Variants in IGF2R observed in about 807,000 individuals in gnomAD.
IGF2R encodes insulin like growth factor 2 receptor.
In IGF2R, 91 loss-of-function variants were observed where a neutral mutation model predicts 270.6. The observed-to-expected ratio is 0.34, with a 90% CI of 0.28 to 0.40. IGF2R has a LOEUF of 0.40. Among genes scored for constraint, IGF2R ranks in the 10% least tolerant of loss-of-function variants. The probability of loss-of-function intolerance (pLI) is 1.00; values close to 1 mark genes in which losing one functional copy is unlikely to be tolerated. For synonymous variants in IGF2R, 1,316 were observed against 1,258.9 expected (o/e 1.05, Z -0.96); for missense variants, 2,805 against 3,188.3 (o/e 0.88, Z 2.90).
rs201511781 is a variant in IGF2R at position 160,073,749 on chromosome 6, C to T, written c.4948-8C>T. On this transcript the variant is annotated splice_polypyrimidine_tract_variant and splice_region_variant and intron_variant, in intron 34 of 47. Coordinates refer to ENST00000356956, the MANE Select transcript of IGF2R (RefSeq NM_000876.4). Reference sequence around the variant, plus strand: ...TGTAGACTCAAAGCAGTCTTTCCTACTTAACAGACCGAATGTTCCGTGAGG... The same window carrying T: ...TGTAGACTCAAAGCAGTCTTTCCTATTTAACAGACCGAATGTTCCGTGAGG... The T allele has an allele frequency of 4.0e-4, 650 of 1,611,988 alleles. 3 individuals carry two copies. The highest frequency in any genetic ancestry group is 1.2e-4 in the South Asian group (11 of 91,006).
intron 44 of IGF2R, 145 bp from the exon 45 acceptor site, chr6:160,096,294 G>A: frequency 1.5e-6 from 1 of 686,030 alleles, no homozygotes; most frequent in Admixed American, 2.5e-5. Flanking sequence ...CGTAAGCTGT[G>A]AACAGAGTGC....
chr6:160,075,367 T>A (rs1267155442), intron 35 of IGF2R, among the ~76,000 whole-genome samples: 2 of 152,200 alleles, frequency 1.3e-5, no homozygotes, highest in East Asian at 3.8e-4. Context: ...ACATAGCCAG[T>A]GGTTACTGCT....
intron 2 of IGF2R, chr6:160,005,974 GC>G (rs1784220028): frequency 6.3e-6 from 1 of 158,796 alleles, no homozygotes; most frequent in South Asian, 1.4e-4. Context: ...TCTGCCCGCC[GC>G]CTCGCCGCGC....
chr6:160,090,613 CT>C (rs1779199166), intron 44 of IGF2R, among the ~76,000 whole-genome samples: 2 of 152,174 alleles, frequency 1.3e-5, no homozygotes, highest in Admixed American at 1.3e-4. Flanking sequence ...GGGTGTTGCC[CT>C]TTGTTCCCTC....
In IGF2R at chr6:160,048,402, A is replaced by G. The variant is rs771251458; in HGVS notation, c.2373A>G (p.Gly791=). The change falls in exon 18 of 48, where the codon GGA becomes GGG. Residue 791 remains glycine (G), a synonymous_variant. Coordinates refer to ENST00000356956, the MANE Select transcript of IGF2R (RefSeq NM_000876.4). ...TGGCAAAATCTGAAGGTGGCCTTGG[A>G]GGAAACTGGTATGCCATGGACAACT... ...SSLAKSEGGL[G]GNWYAMDNSG... is the part of the protein sequence containing the mutation. 2.5e-6 allele frequency: 4 copies of G among 1,614,226 alleles called. No individual in the cohort carries two copies. The African/African-American group carries it at 4.0e-5, about 16-fold the overall frequency.
At chr6:160,091,720 G>C (rs1465277680) in intron 44 of IGF2R, among the ~76,000 whole-genome samples, 2 of 152,224 alleles carry the variant, frequency 1.3e-5, no homozygotes, top group Non-Finnish European at 2.9e-5. Context: ...GTCACAGGTT[G>C]TGCCTTCTCT....
chr6:160,071,762 A>G (rs886962943), intron 31 of IGF2R, 148 bp from the exon 32 acceptor site: 2 of 1,048,512 alleles, frequency 1.9e-6, no homozygotes, highest in African/African-American at 3.2e-5. Flanking sequence ...TGCTTTTCCT[A>G]ATCTGCGCCT....
At chr6:160,096,782 C>T (rs1779370805) in intron 45 of IGF2R, among the ~76,000 whole-genome samples, 157 bp downstream of exon 45, 1 of 152,212 alleles carries the variant, frequency 6.6e-6, no homozygotes, top group Non-Finnish European at 1.5e-5. Flanking sequence ...ATAGTCAGTG[C>T]CCCGCTCCGT....
chr6:159,986,276 G>T (rs1400410740), intron 1 of IGF2R, among the ~76,000 whole-genome samples: 1 of 147,946 alleles, frequency 6.8e-6, no homozygotes, highest in East Asian at 2.0e-4. Context: ...CTGTCACCCA[G>T]TCTGGAGTGC....
chr6:160,009,058 C>A lies in IGF2R; in HGVS notation c.338C>A (p.Thr113Lys). Residue 113 changes from threonine to lysine, a missense_variant, in exon 3 of 48, where the codon ACA becomes AAA. This residue lies in a region of IGF2R where 954 missense variants were observed against 981.1 expected (regional missense o/e 0.97). Coordinates refer to ENST00000356956, the MANE Select transcript of IGF2R (RefSeq NM_000876.4). Reference sequence around the variant, plus strand: ...ACCAGATCTCTCCTGGAATTCAACACAACAGTGAGCTGTGACCAGCAAGGC... The same window carrying A: ...ACCAGATCTCTCCTGGAATTCAACAAAACAGTGAGCTGTGACCAGCAAGGC... ...SATRSLLEFN[T>K]TVSCDQQGTN... 6.2e-7 allele frequency: 1 copy of A among 1,613,814 alleles called. No homozygotes were observed. The highest frequency in any genetic ancestry group is 8.5e-7 in the Non-Finnish European group (1 of 1,179,756).
At chr6:159,975,593 A>G (rs1398324541) in intron 1 of IGF2R, among the ~76,000 whole-genome samples, 2 of 151,564 alleles carry the variant, frequency 1.3e-5, no homozygotes, top group East Asian at 1.9e-4. Flanking sequence ...GACACACCCA[A>G]CATTATAACA....
At chr6:160,036,390 C>T (rs1777825200) in intron 10 of IGF2R, among the ~76,000 whole-genome samples, 1 of 152,122 alleles carries the variant, frequency 6.6e-6, no homozygotes, top group Non-Finnish European at 1.5e-5. Context: ...TGTATCTTCC[C>T]CATGTGCCCA....
chr6:160,037,665 T>A (rs936694154), intron 10 of IGF2R, among the ~76,000 whole-genome samples: 2 of 152,184 alleles, frequency 1.3e-5, no homozygotes, highest in Non-Finnish European at 2.9e-5. Flanking sequence ...TAAATAAAGA[T>A]GTTAGATAAT....
chr6:160,062,595 G>C lies in IGF2R; in HGVS notation c.3646G>C (p.Ala1216Pro). The C allele has an allele frequency of 1.2e-6, 2 of 1,613,856 alleles. No individual in the cohort carries two copies. Among genetic ancestry groups the C allele is most frequent in the Non-Finnish European group, 1.7e-6 (2 of 1,179,758 alleles). The change falls in exon 26 of 48, where the codon GCC (alanine) becomes CCC (proline). Residue 1216 changes from alanine (A) to proline (P), a missense_variant. Physicochemically the swap from Ala to Pro is conservative, Grantham distance 27. Around this residue, in one of 2 missense-constraint regions of IGF2R, gnomAD observed 1,851 missense variants for 2,207.2 expected, o/e 0.84. Coordinates refer to ENST00000356956, the MANE Select transcript of IGF2R (RefSeq NM_000876.4). ...EYVFIWRTVE[A>P]CPVVRVEGDN... ...CGTGTTTATCTGGAGAACTGTGGAA[G>C]CCTGTCCCGTTGTCAGAGTGGAAGG... is the stretch of plus-strand genomic sequence containing the variant.
chr6:160,084,851 G>C lies in IGF2R; in HGVS notation c.6069-144G>C. 1.3e-6 allele frequency: 1 copy of C among 749,346 alleles called. No homozygotes were observed. The highest frequency in any genetic ancestry group is 2.1e-6 in the Non-Finnish European group (1 of 468,314). The allele number at this position is 749,346 out of a possible 1,614,324, so 46.4% of individuals were successfully genotyped here. On this transcript the variant is annotated intron_variant, in intron 40 of 47. Transcript: ENST00000356956. This position sits in a 1 kb window ranked among gnomAD's most constrained non-coding sequence, Gnocchi z 4.6. ...GCCCTTTTTTTTTTTAATTGGAAAA[G>C]CTATTTTAGTGCTACATTCAGTGAT...
intron 4 of IGF2R, 120 bp from the exon 5 acceptor site, chr6:160,024,452 G>A: frequency 1.1e-6 from 1 of 941,944 alleles, no homozygotes; most frequent in Non-Finnish European, 1.6e-6. Context: ...GTTATTAGGG[G>A]ACACCATAGC....
intron 45 of IGF2R, among the ~76,000 whole-genome samples, chr6:160,101,279 TC>T (rs1779479792): frequency 6.6e-6 from 1 of 152,190 alleles, no homozygotes; most frequent in African/African-American, 2.4e-5. Context: ...TGATGATGTG[TC>T]TCTTGGATGC....
intron 13 of IGF2R, 85 bp from the exon 14 acceptor site, chr6:160,045,660 A>G: frequency 1.3e-6 from 2 of 1,538,210 alleles, no homozygotes; most frequent in Non-Finnish European, 1.8e-6. Context: ...GTCCCTTCCA[A>G]GTCTACTTCT....
Position 160,062,569 on chromosome 6 carries a change from A to C in IGF2R, c.3620A>C (p.Tyr1207Ser), listed in dbSNP as rs1338959346. ...TTTCAGCTTCAGGATGGTTGTGAGT[A>C]CGTGTTTATCTGGAGAACTGTGGAA... ...PAFQLQDGCE[Y>S]VFIWRTVEAC... Residue 1207 changes from tyrosine (Y) to serine (S), a missense_variant, in exon 26 of 48, where the codon TAC (tyrosine) becomes TCC (serine). Tyr to Ser is a moderately radical substitution (Grantham distance 144). Around this residue, in one of 2 missense-constraint regions of IGF2R, gnomAD observed 1,851 missense variants for 2,207.2 expected, o/e 0.84. Coordinates refer to ENST00000356956, the MANE Select transcript of IGF2R (RefSeq NM_000876.4). 1 of 1,614,010 alleles carries C rather than the reference A, an allele frequency of 6.2e-7. No homozygotes were observed. Among genetic ancestry groups the C allele is most frequent in the Admixed American group, 1.7e-5 (1 of 60,010 alleles).
Sources: allele counts gnomAD v4.1 joint callset (sites outside exome capture counted in the v4.1 genomes callset), GRCh38; gene constraint gnomAD v4.1.1; regional missense constraint gnomAD v4.1.1; non-coding constraint Gnocchi (gnomAD v3.1); transcripts MANE v1.5; gene names NCBI Gene and HGNC (gene_info 2026-07-23, HGNC 2026-07-21).